Variants in TRHDE observed in about 807,000 individuals in gnomAD.
The protein encoded by TRHDE is thyrotropin releasing hormone degrading enzyme, also known as thyrotropin-releasing hormone-degrading ectoenzyme.
A neutral mutation model predicts 125.7 loss-of-function variants in TRHDE; 72 were observed. The observed-to-expected ratio is 0.57, with a 90% CI of 0.47 to 0.70. TRHDE has a LOEUF of 0.70. Ranked by LOEUF, TRHDE falls within the 30% of genes least tolerant of loss-of-function variation. The pLI is 0.00. For synonymous variants in TRHDE, 509 were observed against 509.1 expected (o/e 1.00, Z 0.00); for missense variants, 1,110 against 1,327.1 (o/e 0.84, Z 2.54).
intron 2 of TRHDE, among the ~76,000 whole-genome samples, chr12:72,294,373 G>T (rs150311983): frequency 3.9e-5 from 6 of 152,134 alleles, no homozygotes; most frequent in Non-Finnish European, 8.8e-5. Flanking sequence ...TGTGTGTGGT[G>T]GGGGGCGGTG....
At chr12:72,203,524 C>A (rs761565789) in intron 2 of TRHDE, among the ~76,000 whole-genome samples, 4 of 151,944 alleles carry the variant, frequency 2.6e-5, no homozygotes, top group Non-Finnish European at 5.9e-5. Flanking sequence ...CATGTGGGAG[C>A]GTCACTGCAA....
At chr12:72,642,426 T>C (rs1023348235) in intron 15 of TRHDE, among the ~76,000 whole-genome samples, 1 of 152,214 alleles carries the variant, frequency 6.6e-6, no homozygotes, top group Admixed American at 6.5e-5. Context: ...CAAAGAACTC[T>C]GTCACAATCC....
intron 12 of TRHDE, among the ~76,000 whole-genome samples, chr12:72,601,001 C>A (rs1183913636): frequency 6.6e-6 from 1 of 152,046 alleles, no homozygotes; most frequent in Non-Finnish European, 1.5e-5. Context: ...TTTAAAAATA[C>A]ATTTTATAAG....
intron 6 of TRHDE, among the ~76,000 whole-genome samples, chr12:72,503,681 A>G (rs1174370825): frequency 6.6e-6 from 1 of 152,146 alleles, no homozygotes; most frequent in Admixed American, 6.5e-5. Context: ...ACCTTTCTTC[A>G]GTTTATTGAA....
intron 2 of TRHDE, among the ~76,000 whole-genome samples, chr12:72,360,780 C>A (rs138080405): frequency 1.8e-3 from 276 of 151,724 alleles, no homozygotes; most frequent in South Asian, 4.4e-3. Flanking sequence ...GGATGGGAAT[C>A]GGATGAAGGG....
chr12:72,325,814 G>GT (rs888050585), intron 2 of TRHDE, among the ~76,000 whole-genome samples: 41 of 151,938 alleles, frequency 2.7e-4, no homozygotes, highest in Non-Finnish European at 4.0e-4. Context: ...TAGGTTTGGG[G>GT]TTTTTTTTGC....
intron 2 of TRHDE, among the ~76,000 whole-genome samples, chr12:72,360,466 G>T (rs1871016560): frequency 6.6e-6 from 1 of 151,768 alleles, no homozygotes; most frequent in Admixed American, 6.6e-5. Flanking sequence ...GAAAAAAATT[G>T]AGAGTCAATA....
intron 2 of TRHDE, among the ~76,000 whole-genome samples, chr12:72,367,408 A>G (rs938429098): frequency 6.6e-6 from 1 of 151,696 alleles, no homozygotes; most frequent in Non-Finnish European, 1.5e-5. Context: ...GCCATTTGCC[A>G]CTCCCGGGCC....
At chr12:72,326,045 C>G (rs956535989) in intron 2 of TRHDE, among the ~76,000 whole-genome samples, 1 of 152,128 alleles carries the variant, frequency 6.6e-6, no homozygotes, top group African/African-American at 2.4e-5. Flanking sequence ...TGCGTAGAGA[C>G]AGAACAACTC....
At chr12:72,317,610 A>G (rs1868865852) in intron 2 of TRHDE, among the ~76,000 whole-genome samples, 3 of 152,072 alleles carry the variant, frequency 2.0e-5, no homozygotes, top group African/African-American at 7.2e-5. Flanking sequence ...AAGGCTCCCA[A>G]TTACTTCTTA....
intron 3 of TRHDE, among the ~76,000 whole-genome samples, chr12:72,394,577 A>G (rs749166818): frequency 3.9e-5 from 6 of 152,088 alleles, no homozygotes; most frequent in Non-Finnish European, 8.8e-5. Context: ...AAACTCCCCT[A>G]TGCAAATCCC....
intron 2 of TRHDE, among the ~76,000 whole-genome samples, chr12:72,343,564 T>G (rs1457024847): frequency 6.6e-6 from 1 of 152,148 alleles, no homozygotes; most frequent in Non-Finnish European, 1.5e-5. Context: ...AATGTCAACC[T>G]ATTAAGTGTC....
intron 6 of TRHDE, among the ~76,000 whole-genome samples, chr12:72,513,029 A>G (rs1247608223): frequency 3.3e-5 from 5 of 152,136 alleles, no homozygotes; most frequent in Non-Finnish European, 5.9e-5. Flanking sequence ...CCAATTGTTA[A>G]TCAACCATAT....
intron 5 of TRHDE, among the ~76,000 whole-genome samples, chr12:72,481,911 T>C (rs1234048925): frequency 6.6e-6 from 1 of 152,018 alleles, no homozygotes; most frequent in African/African-American, 2.4e-5. Flanking sequence ...CTGTGTCCAA[T>C]TAATTCCCTT....
chr12:72,254,638 T>C (rs545259937), intron 2 of TRHDE: 1 of 152,250 alleles, frequency 6.6e-6, no homozygotes, highest in South Asian at 2.1e-4. Flanking sequence ...ATAGAAACAA[T>C]GGAAAAGAAA....
At chr12:72,584,936 A>AT (rs1871379746) in intron 12 of TRHDE, among the ~76,000 whole-genome samples, 1 of 152,206 alleles carries the variant, frequency 6.6e-6, no homozygotes, top group African/African-American at 2.4e-5. Context: ...CCTAATAAGC[A>AT]TATAGCCAAA....
chr12:72,229,933 A>G (rs1219514935), intron 2 of TRHDE, among the ~76,000 whole-genome samples: 1 of 152,170 alleles, frequency 6.6e-6, no homozygotes, highest in African/African-American at 2.4e-5. Flanking sequence ...CTCAAATGTG[A>G]TAACAGTATT....
At chr12:72,379,554 A>G (rs1352062045) in intron 3 of TRHDE, among the ~76,000 whole-genome samples, 1 of 152,212 alleles carries the variant, frequency 6.6e-6, no homozygotes, top group Admixed American at 6.5e-5. Context: ...TGTAAAATTC[A>G]CAAGTGCTTA....
intron 3 of TRHDE, among the ~76,000 whole-genome samples, chr12:72,445,166 A>T (rs1339832440): frequency 6.7e-6 from 1 of 149,586 alleles, no homozygotes; most frequent in African/African-American, 2.5e-5. Context: ...CTCAGTTGGG[A>T]TTTTTTTTTT....
Sources: gnomAD v4.1 joint callset for allele counts (sites outside exome capture counted in the v4.1 genomes callset) on GRCh38, gnomAD v4.1.1 for gene constraint, MANE v1.5 for transcripts, NCBI Gene and HGNC (gene_info 2026-07-23, HGNC 2026-07-21) for gene names.